The following CSTPP1 variants were observed in gnomAD, a reference collection of about 807,000 sequenced individuals.
CSTPP1 encodes the protein UPF0705 protein C11orf49.
the CSTPP1 span, among the ~76,000 whole-genome samples, chr11:47,084,441 A>G: frequency 6.6e-6 from 1 of 152,046 alleles, no homozygotes; most frequent in Middle Eastern, 3.2e-3. Context: ...TTCTGGGTCC[A>G]GTCTAAAAAA....
chr11:47,160,158 A>T, the CSTPP1 span: 4 of 165,624 alleles, frequency 2.4e-5, no homozygotes, highest in African/African-American at 7.3e-5. Flanking sequence ...AACAAAAATT[A>T]GCTGGGTGTG....
chr11:47,089,334 T>C, the CSTPP1 span, among the ~76,000 whole-genome samples: 4 of 152,316 alleles, frequency 2.6e-5, no homozygotes, highest in East Asian at 7.7e-4. Flanking sequence ...TATATATTTA[T>C]ATATGGGTCC....
At chr11:46,983,867 T>C in the CSTPP1 span, among the ~76,000 whole-genome samples, 1 of 152,224 alleles carries the variant, frequency 6.6e-6, no homozygotes, top group Non-Finnish European at 1.5e-5. Flanking sequence ...TAAAACTCTC[T>C]GCAGGGAGGA....
the CSTPP1 span, chr11:46,947,972 T>A: frequency 2.2e-6 from 1 of 444,710 alleles, no homozygotes; most frequent in African/African-American, 2.0e-5. Flanking sequence ...ACTCCTCCTG[T>A]GGCCAACTTA....
chr11:46,963,124 A>G, the CSTPP1 span, among the ~76,000 whole-genome samples: 1 of 151,422 alleles, frequency 6.6e-6, no homozygotes, highest in African/African-American at 2.4e-5. Context: ...TTTCTTGCCT[A>G]ATTGTGCTGG....
At chr11:47,016,834 T>C in the CSTPP1 span, among the ~76,000 whole-genome samples, 346 of 143,664 alleles carry the variant, frequency 2.4e-3, 3 homozygotes, top group Admixed American at 5.1e-3. Flanking sequence ...CTTTTTCATT[T>C]AGTACTTTTT....
At chr11:47,142,594 A>G in the CSTPP1 span, among the ~76,000 whole-genome samples, 3 of 152,092 alleles carry the variant, frequency 2.0e-5, no homozygotes, top group Admixed American at 1.3e-4. Flanking sequence ...GTTTTGATCA[A>G]TCACTCCAGA....
At chr11:47,089,751 A>G in the CSTPP1 span, among the ~76,000 whole-genome samples, 1 of 152,234 alleles carries the variant, frequency 6.6e-6, no homozygotes, top group Non-Finnish European at 1.5e-5. Context: ...TTATAAATGC[A>G]TAAATCACAG....
the CSTPP1 span, among the ~76,000 whole-genome samples, chr11:47,101,202 G>GTTTTTTTTTTTTT: frequency 6.1e-5 from 2 of 32,956 alleles, no homozygotes; most frequent in South Asian, 1.5e-3. Flanking sequence ...TTTATTTTTA[G>GTTTTTTTTTTTTT]TAGAGATGGG....
the CSTPP1 span, among the ~76,000 whole-genome samples, chr11:46,955,932 T>C: frequency 1.3e-5 from 2 of 149,098 alleles, no homozygotes; most frequent in Admixed American, 6.8e-5. Context: ...GAGGCTGCAG[T>C]GAGCCGATCA....
At chr11:47,015,935 A>G in the CSTPP1 span, among the ~76,000 whole-genome samples, 1 of 152,176 alleles carries the variant, frequency 6.6e-6, no homozygotes, top group Non-Finnish European at 1.5e-5. Flanking sequence ...TATAAAATCG[A>G]GCATTCATTC....
chr11:47,050,597 T>C, the CSTPP1 span, among the ~76,000 whole-genome samples: 1 of 152,230 alleles, frequency 6.6e-6, no homozygotes, highest in Non-Finnish European at 1.5e-5. Context: ...GACCATGACC[T>C]AGACATCAGC....
chr11:47,138,783 G>A, the CSTPP1 span, among the ~76,000 whole-genome samples: 6 of 152,046 alleles, frequency 3.9e-5, no homozygotes, highest in African/African-American at 1.4e-4. Context: ...TTCAAGACCA[G>A]CCTGGCCTAC....
the CSTPP1 span, among the ~76,000 whole-genome samples, chr11:47,138,254 T>A: frequency 6.6e-6 from 1 of 152,148 alleles, no homozygotes; most frequent in Non-Finnish European, 1.5e-5. Flanking sequence ...GTCAGACGCT[T>A]ATAAAACCAT....
chr11:47,076,680 A>C, the CSTPP1 span, among the ~76,000 whole-genome samples: 1 of 152,096 alleles, frequency 6.6e-6, no homozygotes, highest in African/African-American at 2.4e-5. Flanking sequence ...GTCTCTACTA[A>C]AAATATAAAA....
the CSTPP1 span, among the ~76,000 whole-genome samples, chr11:47,095,208 G>A: frequency 1.3e-5 from 2 of 152,092 alleles, no homozygotes; most frequent in Admixed American, 1.3e-4. Flanking sequence ...AATCAATGAA[G>A]GGGAAAAATG....
At chr11:47,021,369 C>T in the CSTPP1 span, among the ~76,000 whole-genome samples, 1 of 152,250 alleles carries the variant, frequency 6.6e-6, no homozygotes, top group East Asian at 1.9e-4. Flanking sequence ...CCTCCTCCTG[C>T]CTTACTGAAT....
the CSTPP1 span, chr11:47,155,675 TC>T: frequency 4.9e-6 from 1 of 204,808 alleles, no homozygotes. Context: ...TAGTAGCCAG[TC>T]ATGCAGCTCA....
chr11:47,064,289 A>G, the CSTPP1 span, among the ~76,000 whole-genome samples: 1 of 151,450 alleles, frequency 6.6e-6, no homozygotes, highest in South Asian at 2.1e-4. Flanking sequence ...TTTTTTTATC[A>G]TATCCTCTGA....
Sources: allele counts gnomAD v4.1 joint callset (sites outside exome capture counted in the v4.1 genomes callset), GRCh38; gene constraint gnomAD v4.1.1; transcripts MANE v1.5; gene names NCBI Gene and HGNC (gene_info 2026-07-23, HGNC 2026-07-21).